The following LRRC4B variants were observed in gnomAD, a reference collection of about 807,000 sequenced individuals.
The protein encoded by LRRC4B is leucine-rich repeat-containing protein 4B.
Under a neutral mutation model 7.3 loss-of-function variants are expected in LRRC4B, and 1 was observed. That is an observed-to-expected ratio of 0.14 (90% CI 0.05 to 0.65). The LOEUF is 0.65. LRRC4B is among the 30% of genes least tolerant of loss of function. LRRC4B has a pLI of 0.84. For synonymous variants in LRRC4B, 500 were observed against 499.2 expected (o/e 1.00, Z -0.02); for missense variants, 730 against 1,041.6 (o/e 0.70, Z 4.12).
Position 50,518,673 on chromosome 19 carries a change from T to C in LRRC4B, c.1040A>G (p.Lys347Arg), listed in dbSNP as rs1181819423. ...CARCHAPAGL[K>R]GRYIGELDQS... ...GTCCAGCTCCCCAATGTAGCGCCCC[T>C]TGAGGCCGGCGGGCGCATGACAGCG... The change falls in exon 3 of 3, where the codon AAG (lysine) becomes AGG (arginine). Residue 347 changes from lysine to arginine, a missense_variant. Transcript: ENST00000652263. 2 of 1,613,730 alleles carry C rather than the reference T, an allele frequency of 1.2e-6. No homozygotes were observed. Among genetic ancestry groups the C allele is most frequent in the Non-Finnish European group, 1.7e-6 (2 of 1,179,874 alleles).
chr19:50,549,188 G>A (rs151139410), intron 1 of LRRC4B, among the ~76,000 whole-genome samples: 65 of 152,354 alleles, frequency 4.3e-4, no homozygotes, highest in Non-Finnish European at 7.9e-4. Flanking sequence ...AGTAAGTGCA[G>A]AAGTTGTCCA....
rs1982284321 is a variant in LRRC4B, at chr19:50,556,601, GGTGATTT to G, written c.-35-7735_-35-7729del. Among the ~76,000 whole-genome samples, 1 of 152,132 alleles carries G rather than the reference GGTGATTT, an allele frequency of 6.6e-6. No individual in the cohort carries two copies. Among genetic ancestry groups the G allele is most frequent in the Non-Finnish European group, 1.5e-5 (1 of 68,020 alleles). ...CACGGCCACCCAGCACCTGATGCTC[GGTGATTT>G]GTTCCTGCGTTCATTGCCTGCCTTC... On this transcript the variant is annotated intron_variant, in intron 1 of 2. Coordinates refer to ENST00000652263, the MANE Select transcript of LRRC4B (RefSeq NM_001080457.2). The surrounding 1 kb of genome is among the most constrained non-coding windows in gnomAD (Gnocchi z 4.2).
chr19:50,524,200 C>T (rs929133032), intron 2 of LRRC4B, among the ~76,000 whole-genome samples: 150 of 152,216 alleles, frequency 9.9e-4, no homozygotes, highest in African/African-American at 2.9e-3. Context: ...TAATGTATGT[C>T]GGTGCTGTCC....
chr19:50,552,004 C>T (rs932681510), intron 1 of LRRC4B, among the ~76,000 whole-genome samples: 7 of 152,030 alleles, frequency 4.6e-5, no homozygotes, highest in African/African-American at 1.7e-4. Context: ...CTAATTAACC[C>T]ATTGGTTCTG....
At chr19:50,551,801 C>T (rs752323531) in intron 1 of LRRC4B, among the ~76,000 whole-genome samples, 2 of 151,602 alleles carry the variant, frequency 1.3e-5, no homozygotes, top group Non-Finnish European at 1.5e-5. Flanking sequence ...TCTCTTTCTC[C>T]GCGATTACAA....
chr19:50,519,598 T>A lies in LRRC4B; in HGVS notation c.298-183A>T, dbSNP rs547535471. On this transcript the variant is annotated intron_variant, in intron 2 of 2. Transcript: ENST00000652263. The surrounding 1 kb of genome is among the most constrained non-coding windows in gnomAD (Gnocchi z 8.1). ...ATAAAGTTAAAACTGGAGTCAAGGC[T>A]GGGTGTGGTGGCTCACGCCTGTAAT... Among the ~76,000 whole-genome samples the A allele has an allele frequency of 1.4e-4, 21 of 152,250 alleles. No homozygotes were observed. The highest frequency in any genetic ancestry group is 4.8e-4 in the African/African-American group (20 of 41,532).
chr19:50,518,701 C>T lies in LRRC4B; in HGVS notation c.1012G>A (p.Ala338Thr). 1 of 1,613,824 alleles carries T rather than the reference C, an allele frequency of 6.2e-7. No individual in the cohort carries two copies. The highest frequency in any genetic ancestry group is 8.5e-7 in the Non-Finnish European group (1 of 1,179,916). ...AGGCCGGCGGGCGCATGACAGCGGG[C>T]GCAGCACGTCGTGTTGCTGGGCACC... ...ETVPSNTTCC[A>T]RCHAPAGLKG... is the part of the protein sequence containing the mutation. Residue 338 changes from alanine to threonine, a missense_variant, in exon 3 of 3, where the codon GCC becomes ACC. This residue lies in a region of LRRC4B where 226 missense variants were observed against 448.0 expected (regional missense o/e 0.50). Transcript: ENST00000652263.
chr19:50,524,817 C>T (rs997525922), intron 2 of LRRC4B, among the ~76,000 whole-genome samples: 3 of 152,308 alleles, frequency 2.0e-5, no homozygotes, highest in Non-Finnish European at 4.4e-5. Context: ...ATGCAGTCCC[C>T]GAGCCCAGCC....
At chr19:50,552,379 C>T (rs1478431281) in intron 1 of LRRC4B, among the ~76,000 whole-genome samples, 1 of 152,084 alleles carries the variant, frequency 6.6e-6, no homozygotes, top group Non-Finnish European at 1.5e-5. Context: ...CCTGCACCGT[C>T]ACCCCGTCCC....
intron 2 of LRRC4B, among the ~76,000 whole-genome samples, chr19:50,525,611 G>A (rs1393196218): frequency 6.6e-6 from 1 of 150,746 alleles, no homozygotes; most frequent in African/African-American, 2.4e-5. Context: ...TAGAGACGAG[G>A]GTTTTATCAT....
rs1188303205 is a variant in LRRC4B, at chr19:50,520,242, A to G, written c.298-827T>C. ...AAAAAAAAAAAAAAAAAAAAAAAAA[A>G]AAAAAGAAGAAAAGAAAAGAAAAAT... On this transcript the variant is annotated intron_variant, in intron 2 of 2. Transcript: ENST00000652263. 1.7e-3 allele frequency among the ~76,000 whole-genome samples: 108 copies of G among 62,516 alleles called. 10 individuals are homozygous for G. Among genetic ancestry groups the G allele is most frequent in the Admixed American group, 2.8e-3 (13 of 4,658 alleles). The allele number at this position is 62,516 out of a possible 152,430, so 41.0% of individuals were successfully genotyped here.
chr19:50,530,003 C>T (rs1980982404), intron 2 of LRRC4B, among the ~76,000 whole-genome samples: 1 of 152,058 alleles, frequency 6.6e-6, no homozygotes, highest in Non-Finnish European at 1.5e-5. Context: ...CTCATCCTCC[C>T]CGTCCAAAGC....
At position 50,550,461 on chromosome 19, in the gene LRRC4B, ACCCCC is replaced by A. The variant is rs1982006602; in HGVS notation, c.-35-1593_-35-1589del. On this transcript the variant is annotated intron_variant, in intron 1 of 2. Transcript: ENST00000652263. Reference sequence around the variant, plus strand: ...CACCCTCTCACGGTGGACTCTCAGGACCCCCCTCTCACGGTGGACTCTCAGGACCC... The same window carrying A: ...CACCCTCTCACGGTGGACTCTCAGGACTCTCACGGTGGACTCTCAGGACCC... Among the ~76,000 whole-genome samples, 5 of 71,032 alleles carry A rather than the reference ACCCCC, an allele frequency of 7.0e-5. No individual in the cohort carries two copies. The Admixed American group carries it at 9.1e-4, about 13-fold the overall frequency. The allele number at this position is 71,032 out of a possible 152,430, so 46.6% of individuals were successfully genotyped here. A position where few individuals can be genotyped will look rare whatever the true frequency, so the allele number is the denominator to read the frequency against.
At position 50,518,085 on chromosome 19, in the gene LRRC4B, G is replaced by C; in HGVS notation, c.1628C>G (p.Pro543Arg). ...CTTCTCCGTGGGCCGCGAGGAGCGC[G>C]GGGCGGGTGCCGTGGTAGAAGACGA... ...PASSSTTAPA[P>R]RSSRPTEKAF... Residue 543 changes from proline to arginine, a missense_variant, in exon 3 of 3, where the codon CCG becomes CGG. Pro to Arg is a moderately radical substitution (Grantham distance 103). Around this residue, in one of 6 missense-constraint regions of LRRC4B, gnomAD observed 192 missense variants for 228.6 expected, o/e 0.84. Transcript: ENST00000652263. The C allele has an allele frequency of 6.3e-7, 1 of 1,595,632 alleles. No homozygotes were observed. Among genetic ancestry groups the C allele is most frequent in the Non-Finnish European group, 8.5e-7 (1 of 1,173,896 alleles).
intron 1 of LRRC4B, among the ~76,000 whole-genome samples, 151 bp downstream of exon 1, chr19:50,567,793 T>C (rs1568740705): frequency 1.1e-5 from 1 of 94,736 alleles, no homozygotes; most frequent in Non-Finnish European, 2.0e-5. Context: ...CTGCCTCCCA[T>C]TAGGCCCCGC....
intron 1 of LRRC4B, among the ~76,000 whole-genome samples, chr19:50,565,306 C>T (rs1451831530): frequency 6.6e-6 from 1 of 152,230 alleles, no homozygotes; most frequent in Non-Finnish European, 1.5e-5. Context: ...GCCACGAGGC[C>T]ACAGGACCAC....
At position 50,556,890 on chromosome 19, in the gene LRRC4B, G is replaced by T. The variant is rs551829354; in HGVS notation, c.-35-8017C>A. ...ACAGGGTGGGCCCCGGAACGTCCAG[G>T]AGGGAAGCCGGGAGGAGGGAATGTC... On this transcript the variant is annotated intron_variant, in intron 1 of 2. Transcript: ENST00000652263. This position sits in a 1 kb window ranked among gnomAD's most constrained non-coding sequence, Gnocchi z 4.2. Among the ~76,000 whole-genome samples, 4 of 152,072 alleles carry T rather than the reference G, an allele frequency of 2.6e-5. No homozygotes were observed. Among genetic ancestry groups the T allele is most frequent in the African/African-American group, 7.2e-5 (3 of 41,408 alleles).
At chr19:50,541,456 A>G (rs969084576) in intron 2 of LRRC4B, among the ~76,000 whole-genome samples, 46 of 152,106 alleles carry the variant, frequency 3.0e-4, no homozygotes, top group African/African-American at 1.1e-3. Flanking sequence ...CCATGGAAAA[A>G]TTATCTTCCA....
At chr19:50,539,758 G>A (rs1379650268) in intron 2 of LRRC4B, among the ~76,000 whole-genome samples, 1 of 151,762 alleles carries the variant, frequency 6.6e-6, no homozygotes, top group Non-Finnish European at 1.5e-5. Context: ...GTGGTGGCAG[G>A]TGCCTGTAGT....
Sources: gnomAD v4.1 joint callset for allele counts (sites outside exome capture counted in the v4.1 genomes callset) on GRCh38, gnomAD v4.1.1 for gene constraint, gnomAD v4.1.1 regional missense constraint, Gnocchi (gnomAD v3.1) non-coding constraint, MANE v1.5 for transcripts, NCBI Gene and HGNC (gene_info 2026-07-23, HGNC 2026-07-21) for gene names.